The following PCDHGA6 variants were observed in gnomAD, a reference collection of about 807,000 sequenced individuals.
PCDHGA6 encodes the protein protocadherin gamma subfamily A, 6, also known as protocadherin gamma-A6.
PCDHGA6 carries 41 observed loss-of-function variants against 60.6 expected under a neutral mutation model. The ratio of observed to expected loss-of-function variants is 0.68; its 90% CI spans 0.53 to 0.88. The LOEUF (loss-of-function observed/expected upper bound fraction) is 0.88, where lower values mean the gene tolerates loss of function less well. Among genes scored for constraint, PCDHGA6 ranks in the 40% least tolerant of loss-of-function variants. The pLI is 0.00. For synonymous variants in PCDHGA6, 594 were observed against 524.4 expected (o/e 1.13, Z -1.81); for missense variants, 1,312 against 1,203.0 (o/e 1.09, Z -1.34).
chr5:141,462,070 G>C lies in PCDHGA6; in HGVS notation c.2425-32737G>C, dbSNP rs572217894. Among the ~76,000 whole-genome samples, 18 of 152,196 alleles carry C rather than the reference G, an allele frequency of 1.2e-4. No individual in the cohort carries two copies. In the South Asian group the frequency reaches 3.7e-3, roughly 32 times the overall value. On this transcript the variant is annotated intron_variant, in intron 1 of 3. Coordinates refer to ENST00000517434, the MANE Select transcript of PCDHGA6 (RefSeq NM_018919.3). ...ACTCCCGACCTCAGGTGATCTGCCC[G>C]CCTTGGCCTCCCAAAATGCTGGGAT...
rs145569377 is a variant in PCDHGA6 at position 141,455,860 on chromosome 5, ATTATTTATTTATTTATTTATTTATTTAT to A, written c.2425-38920_2425-38893del. Among the ~76,000 whole-genome samples the A allele has an allele frequency of 5.0e-5, 7 of 139,848 alleles. No individual in the cohort carries two copies. The South Asian group carries it at 9.2e-4, about 18-fold the overall frequency. 91.7% of individuals were successfully genotyped at this position (139,848 alleles called of 152,430 possible). On this transcript the variant is annotated intron_variant, in intron 1 of 3. Transcript: ENST00000517434. ...CTATCTGCATAAAATAATTTCTTTT[ATTATTTATTTATTTATTTATTTATTTAT>A]TTATTTATTTATTTATTTATTTATT...
At chr5:141,414,802 G>C (rs201378410) in intron 1 of PCDHGA6, 3 of 1,614,108 alleles carry the variant, frequency 1.9e-6, no homozygotes, top group Admixed American at 3.3e-5. Flanking sequence ...CGACAGCGGG[G>C]ATCCTCCACT....
At chr5:141,399,635 T>C (rs1237333371) in intron 1 of PCDHGA6, 1 of 1,613,746 alleles carries the variant, frequency 6.2e-7, no homozygotes, top group Admixed American at 1.7e-5. Context: ...TACGTGTCCA[T>C]GAGCGCGCAA....
chr5:141,428,949 G>T (rs2097173007), intron 1 of PCDHGA6: 1 of 152,034 alleles, frequency 6.6e-6, no homozygotes, highest in Admixed American at 6.6e-5. Flanking sequence ...CTGCCTTCCG[G>T]GTTCTGGCCA....
intron 1 of PCDHGA6, among the ~76,000 whole-genome samples, chr5:141,401,891 T>C (rs1196463391): frequency 6.6e-6 from 1 of 152,200 alleles, no homozygotes; most frequent in Non-Finnish European, 1.5e-5. Context: ...TTTTGTGTTC[T>C]TTTTCCCAAA....
chr5:141,475,978 G>C, intron 1 of PCDHGA6: 1 of 1,010,712 alleles, frequency 9.9e-7, no homozygotes, highest in Non-Finnish European at 1.4e-6. Context: ...AGACTGAACA[G>C]CCGGCGAGCA....
Position 141,418,384 on chromosome 5 carries a change from C to T in PCDHGA6, c.2424+41877C>T, listed in dbSNP as rs774636792. 5 of 1,613,982 alleles carry T rather than the reference C, an allele frequency of 3.1e-6. No homozygotes were observed. In the South Asian group the frequency reaches 4.4e-5, roughly 14 times the overall value. ...TGAGCAAATACCAACTAAGTCCTAA[C>T]GAGTATTTCTCATTGGTGGAGAAAG... is the stretch of plus-strand genomic sequence containing the variant. On this transcript the variant is annotated intron_variant, in intron 1 of 3. Coordinates refer to ENST00000517434, the MANE Select transcript of PCDHGA6 (RefSeq NM_018919.3).
intron 1 of PCDHGA6, chr5:141,415,071 G>T: frequency 6.2e-7 from 1 of 1,613,422 alleles, no homozygotes; most frequent in East Asian, 2.2e-5. Flanking sequence ...AGGTGCGCAC[G>T]GCGCGAGCCC....
At position 141,489,590 on chromosome 5, in the gene PCDHGA6, T is replaced by C; in HGVS notation, c.2425-5217T>C. The C allele has an allele frequency of 6.2e-7, 1 of 1,614,044 alleles. No homozygotes were observed. Among genetic ancestry groups the C allele is most frequent in the Non-Finnish European group, 8.5e-7 (1 of 1,179,984 alleles). ...GTGACTGAACACCCCCTGGAGCTAA[T>C]CCGTGTAGAGGTAGAGATCCTGGAT... On this transcript the variant is annotated intron_variant, in intron 1 of 3. Transcript: ENST00000517434. The surrounding 1 kb of genome is among the most constrained non-coding windows in gnomAD (Gnocchi z 4.5).
intron 1 of PCDHGA6, chr5:141,400,672 A>G: frequency 1.1e-6 from 1 of 934,884 alleles, no homozygotes; most frequent in Non-Finnish European, 1.6e-6. Flanking sequence ...TAAGAGGAGC[A>G]GTAAATTGTG....
intron 1 of PCDHGA6, chr5:141,427,474 A>G (rs373512099): frequency 3.7e-5 from 19 of 520,294 alleles, no homozygotes; most frequent in African/African-American, 1.5e-4. Context: ...TCTTCCGCCA[A>G]TAATGACTAT....
At position 141,375,629 on chromosome 5, in the gene PCDHGA6, G is replaced by A. The variant is rs567513392; in HGVS notation, c.1546G>A (p.Ala516Thr). The A allele has an allele frequency of 1.9e-6, 3 of 1,614,192 alleles. No homozygotes were observed. Among genetic ancestry groups the A allele is most frequent in the Admixed American group, 1.7e-5 (1 of 60,030 alleles). ...SINSDTGILY[A>T]LRSFDYEQLR... The stretch of plus-strand genomic sequence containing the variant: ...CAACTCCGACACTGGGATTCTGTAC[G>A]CCCTGCGCTCCTTCGACTATGAGCA... The change falls in exon 1 of 4, where the codon GCC becomes ACC. Residue 516 changes from alanine (A) to threonine (T), a missense_variant. Coordinates refer to ENST00000517434, the MANE Select transcript of PCDHGA6 (RefSeq NM_018919.3).
Position 141,451,083 on chromosome 5 carries a change from C to T in PCDHGA6, c.2425-43724C>T, listed in dbSNP as rs192869194. On this transcript the variant is annotated intron_variant, in intron 1 of 3. Coordinates refer to ENST00000517434, the MANE Select transcript of PCDHGA6 (RefSeq NM_018919.3). The stretch of plus-strand genomic sequence containing the variant: ...GACCTTGTGATCCACCCACCTTGAC[C>T]TCCCAAAGTGTTGGGATTACAGGCG... 4.9e-4 allele frequency among the ~76,000 whole-genome samples: 75 copies of T among 152,174 alleles called. 3 individuals carry two copies. In the East Asian group the frequency reaches 0.014, roughly 29 times the overall value.
chr5:141,409,130 G>T (rs1265386524), intron 1 of PCDHGA6: 1 of 1,613,994 alleles, frequency 6.2e-7, no homozygotes, highest in Admixed American at 1.7e-5. Context: ...ATTTGATTTT[G>T]AAGATGTAGA....
At chr5:141,385,316 G>T in intron 1 of PCDHGA6, 2 of 1,610,350 alleles carry the variant, frequency 1.2e-6, no homozygotes, top group Non-Finnish European at 1.7e-6. Flanking sequence ...AACCTGCCAA[G>T]TATTCAGGTG....
chr5:141,423,674 C>G (rs57195665), intron 1 of PCDHGA6: 15 of 1,514,742 alleles, frequency 9.9e-6, no homozygotes, highest in African/African-American at 2.9e-5. Flanking sequence ...AGATTTATTT[C>G]TCTGCCTCCT....
At chr5:141,467,393 T>C (rs1409255781) in intron 1 of PCDHGA6, among the ~76,000 whole-genome samples, 3 of 152,124 alleles carry the variant, frequency 2.0e-5, no homozygotes, top group African/African-American at 7.2e-5. Flanking sequence ...TTTTAAGTCA[T>C]AGTTAGAAAG....
intron 1 of PCDHGA6, chr5:141,400,143 T>G: frequency 6.2e-7 from 1 of 1,614,104 alleles, no homozygotes; most frequent in Non-Finnish European, 8.5e-7. Context: ...CGGATATCAC[T>G]GACCGCCCTG....
At position 141,431,034 on chromosome 5, in the gene PCDHGA6, G is replaced by C. The variant is rs372312860; in HGVS notation, c.2424+54527G>C. 2.5e-6 allele frequency: 4 copies of C among 1,613,992 alleles called. No homozygotes were observed. The highest frequency in any genetic ancestry group is 2.7e-5 in the African/African-American group (2 of 74,938). On this transcript the variant is annotated intron_variant, in intron 1 of 3. Coordinates refer to ENST00000517434, the MANE Select transcript of PCDHGA6 (RefSeq NM_018919.3). The surrounding 1 kb of genome is among the most constrained non-coding windows in gnomAD (Gnocchi z 4.8). ...TTGGTCACGGCGGGCAGGATAGACC[G>C]GGAGGAGCTCTGTATGGGGGCCATC...
Sources: gnomAD v4.1 joint callset for allele counts (sites outside exome capture counted in the v4.1 genomes callset) on GRCh38, gnomAD v4.1.1 for gene constraint, Gnocchi (gnomAD v3.1) non-coding constraint, MANE v1.5 for transcripts, NCBI Gene and HGNC (gene_info 2026-07-23, HGNC 2026-07-21) for gene names.